GREB1: variants seen among roughly 807,000 people sequenced by gnomAD.
GREB1 encodes growth regulating estrogen receptor binding 1, also known as protein GREB1.
In GREB1, 106 loss-of-function variants were observed where a neutral mutation model predicts 200.7. That is an observed-to-expected ratio of 0.53 (90% CI 0.45 to 0.62). GREB1 has a LOEUF of 0.62. GREB1 is among the 20% of genes least tolerant of loss of function. GREB1 has a pLI of 0.00. For missense variants in GREB1, 2,243 were observed against 2,556.8 expected, an observed-to-expected ratio of 0.88 and a Z score of 2.65; for synonymous variants, 1,132 against 1,092.4, an observed-to-expected ratio of 1.04 and a Z score of -0.72.
chr2:11,578,489 A>T, intron 6 of GREB1, 58 bp downstream of exon 6: 1 of 1,575,530 alleles, frequency 6.3e-7, no homozygotes, highest in Non-Finnish European at 8.7e-7. Context: ...ACTGTCTCCG[A>T]TGTGTCCGGT....
At chr2:11,581,401 G>A (rs1003329967) in intron 7 of GREB1, 5 of 206,418 alleles carry the variant, frequency 2.4e-5, no homozygotes, top group South Asian at 2.4e-4. Flanking sequence ...CGTCTGCTCA[G>A]GGAAGGCTTC....
intron 1 of GREB1, among the ~76,000 whole-genome samples, chr2:11,496,541 G>C (rs1371169720): frequency 8.4e-6 from 1 of 118,394 alleles, no homozygotes; most frequent in Non-Finnish European, 1.6e-5. Flanking sequence ...CATGTCTGAC[G>C]AACAAGGGGG....
chr2:11,545,637 T>C (rs1052588771), intron 1 of GREB1, among the ~76,000 whole-genome samples: 14 of 152,382 alleles, frequency 9.2e-5, no homozygotes, highest in African/African-American at 3.4e-4. Flanking sequence ...TAAAGCATAC[T>C]GAGGGCCATC....
chr2:11,577,056 G>A (rs868119481), intron 5 of GREB1, among the ~76,000 whole-genome samples: 15 of 149,392 alleles, frequency 1.0e-4, no homozygotes, highest in Non-Finnish European at 1.3e-4. Context: ...ACAAACAAAC[G>A]AACAAAAAAA....
chr2:11,603,713 A>G (rs1396716697), intron 17 of GREB1, among the ~76,000 whole-genome samples: 1 of 152,262 alleles, frequency 6.6e-6, no homozygotes, highest in Non-Finnish European at 1.5e-5. Flanking sequence ...AACTGGCTGC[A>G]TGAAGTAGCC....
At chr2:11,520,241 C>T (rs1673656732) in intron 1 of GREB1, among the ~76,000 whole-genome samples, 3 of 152,286 alleles carry the variant, frequency 2.0e-5, no homozygotes, top group African/African-American at 7.2e-5. Flanking sequence ...TATAGCAAAC[C>T]TTTGAGATAG....
At chr2:11,543,796 C>T (rs1035174550) in intron 1 of GREB1, among the ~76,000 whole-genome samples, 1 of 152,120 alleles carries the variant, frequency 6.6e-6, no homozygotes, top group Non-Finnish European at 1.5e-5. Flanking sequence ...CTCAGCACCT[C>T]GTGGGCCTCG....
intron 22 of GREB1, 38 bp downstream of exon 22, chr2:11,618,957 G>A (rs753100463): frequency 6.7e-5 from 97 of 1,439,568 alleles, no homozygotes; most frequent in Non-Finnish European, 8.1e-5. Context: ...GCCCCGGACT[G>A]GGGGGGTCCT....
chr2:11,524,051 T>A (rs113852156), intron 1 of GREB1, among the ~76,000 whole-genome samples: 120 of 150,488 alleles, frequency 8.0e-4, no homozygotes, highest in African/African-American at 2.6e-3. Flanking sequence ...GCATGCACAC[T>A]CACACACACA....
chr2:11,598,235 G>A (rs918198046), intron 14 of GREB1, among the ~76,000 whole-genome samples: 3 of 152,220 alleles, frequency 2.0e-5, no homozygotes, highest in South Asian at 2.1e-4. Context: ...GCTATCTAGC[G>A]TCACTGATAT....
Position 11,538,777 on chromosome 2 carries a change from C to T in GREB1, c.-162+4523C>T, listed in dbSNP as rs200632867. Among the ~76,000 whole-genome samples the T allele has an allele frequency of 1.8e-4, 3 of 16,702 alleles. 1 individual carries two copies. Among genetic ancestry groups the T allele is most frequent in the African/African-American group, 1.2e-4 (1 of 8,368 alleles). 11.0% of individuals were successfully genotyped at this position (16,702 alleles called of 152,430 possible). A position where few individuals can be genotyped will look rare whatever the true frequency, so the allele number is the denominator to read the frequency against. On this transcript the variant is annotated intron_variant, in intron 1 of 32. Transcript: ENST00000381486. ...CTTCCTTTCTTCCTTCCTTCCTTCC[C>T]GTCTTCCTTCCTTCCTTCCCTTCTT...
chr2:11,499,416 A>G (rs1257799905), intron 1 of GREB1, among the ~76,000 whole-genome samples: 2 of 152,242 alleles, frequency 1.3e-5, no homozygotes, highest in South Asian at 2.1e-4. Context: ...AGACATGTCT[A>G]AACACTGTTA....
At chr2:11,575,809 C>T (rs541150193) in intron 4 of GREB1, among the ~76,000 whole-genome samples, 43 of 152,298 alleles carry the variant, frequency 2.8e-4, no homozygotes, top group East Asian at 1.5e-3. Flanking sequence ...AAGAGCCTGT[C>T]GCATCATTTC....
In GREB1 at chr2:11,492,148, T is replaced by A. The variant is rs991222541; in HGVS notation, c.-159+9767T>A. On this transcript the variant is annotated intron_variant, in intron 1 of 2. Transcript: ENST00000628795. This position sits in a 1 kb window ranked among gnomAD's most constrained non-coding sequence, Gnocchi z 4.0. ...ACCATGCATCGTTTCCATGGTCATT[T>A]AACGTGGCACTTTACTCTGGGATTG... Among the ~76,000 whole-genome samples, 1 of 152,162 alleles carries A rather than the reference T, an allele frequency of 6.6e-6. No homozygotes were observed. Among genetic ancestry groups the A allele is most frequent in the African/African-American group, 2.4e-5 (1 of 41,400 alleles).
chr2:11,606,757 TC>T (rs941554038), intron 17 of GREB1, among the ~76,000 whole-genome samples: 102 of 106,836 alleles, frequency 9.5e-4, no homozygotes, highest in African/African-American at 2.9e-3. Context: ...GATTTTAGTT[TC>T]ATTATTATTA....
intron 1 of GREB1, among the ~76,000 whole-genome samples, chr2:11,544,112 T>C (rs1341717421): frequency 6.6e-6 from 1 of 152,154 alleles, no homozygotes. Context: ...GCATGATTGG[T>C]AACAGGTGGA....
Position 11,521,204 on chromosome 2 carries a change from G to A in GREB1, c.-158-35253G>A, listed in dbSNP as rs567257574. Among the ~76,000 whole-genome samples, 8 of 152,196 alleles carry A rather than the reference G, an allele frequency of 5.3e-5. No homozygotes were observed. The South Asian group carries it at 1.2e-3, about 24-fold the overall frequency. The stretch of plus-strand genomic sequence containing the variant: ...TTCACTGTAGCCTTGACCTCCCTGG[G>A]CTCAGGTGATGCCTCCTGCCTCAGC... On this transcript the variant is annotated intron_variant, in intron 1 of 2. Coordinates refer to the GREB1 transcript ENST00000628795.
intron 17 of GREB1, among the ~76,000 whole-genome samples, chr2:11,607,619 T>TGC (rs1682512008): frequency 3.5e-5 from 1 of 28,964 alleles, no homozygotes; most frequent in Non-Finnish European, 9.4e-5. Flanking sequence ...TACACATATA[T>TGC]GCATATATAT....
intron 9 of GREB1, among the ~76,000 whole-genome samples, chr2:11,586,164 A>G (rs377506136): frequency 1.2e-4 from 19 of 152,108 alleles, no homozygotes; most frequent in East Asian, 1.2e-3. Context: ...CATGAAGTCT[A>G]TTTGCCTGTT....
Sources: allele counts gnomAD v4.1 joint callset (sites outside exome capture counted in the v4.1 genomes callset), GRCh38; gene constraint gnomAD v4.1.1; non-coding constraint Gnocchi (gnomAD v3.1); transcripts MANE v1.5; gene names NCBI Gene and HGNC (gene_info 2026-07-23, HGNC 2026-07-21).